LEO1: variants seen among roughly 807,000 people sequenced by gnomAD.
LEO1 encodes RNA polymerase-associated protein LEO1.
A neutral mutation model predicts 80.4 loss-of-function variants in LEO1; 34 were observed. That is an observed-to-expected ratio of 0.42 (90% CI 0.32 to 0.56). The LOEUF is 0.56. Among genes scored for constraint, LEO1 ranks in the 20% least tolerant of loss-of-function variants. The pLI is 0.10. For missense variants in LEO1, 631 were observed against 814.2 expected, an observed-to-expected ratio of 0.77 and a Z score of 2.74; for synonymous variants, 262 against 274.9, an observed-to-expected ratio of 0.95 and a Z score of 0.46.
Position 51,966,089 on chromosome 15 carries a change from C to A in LEO1, c.474G>T (p.Lys158Asn). 1 of 1,613,990 alleles carries A rather than the reference C, an allele frequency of 6.2e-7. No homozygotes were observed. Among genetic ancestry groups the A allele is most frequent in the Non-Finnish European group, 8.5e-7 (1 of 1,180,020 alleles). The change falls in exon 2 of 12, where the codon AAG becomes AAT. Residue 158 changes from lysine to asparagine, a missense_variant. Coordinates refer to ENST00000299601, the MANE Select transcript of LEO1 (RefSeq NM_138792.4). Reference sequence around the variant, plus strand: ...TCTCCTCATCATCAGAATTTTGTATCTTTTCATCATCTGACTGGTCACTTT... The same window carrying A: ...TCTCCTCATCATCAGAATTTTGTATATTTTCATCATCTGACTGGTCACTTT... ...EDKSDQSDDE[K>N]IQNSDDEERA...
intron 11 of LEO1, among the ~76,000 whole-genome samples, chr15:51,945,354 C>T (rs1440900131): frequency 6.6e-6 from 1 of 151,842 alleles, no homozygotes; most frequent in African/African-American, 2.4e-5. Flanking sequence ...ACTCACAAGG[C>T]TCCAGCTTCA....
rs2056911122 is a variant in LEO1, at chr15:51,947,380, G to C, written c.1808C>G (p.Ala603Gly). 1 of 1,609,328 alleles carries C rather than the reference G, an allele frequency of 6.2e-7. No homozygotes were observed. Among genetic ancestry groups the C allele is most frequent in the Non-Finnish European group, 8.5e-7 (1 of 1,177,512 alleles). ...ATCACTGTCTGATGAATAGATTCTG[G>C]CTCGTTCCTCTGAAAGCAAAAGTAC... Reference protein sequence around the residue: ...RYKGGIREERARIYSSDSDEG... With the variant: ...RYKGGIREERGRIYSSDSDEG... The change falls in exon 11 of 12, where the codon GCC (alanine) becomes GGC (glycine). Residue 603 changes from alanine to glycine, a missense_variant. Physicochemically the swap from Ala to Gly is moderately conservative, Grantham distance 60. Coordinates refer to ENST00000299601, the MANE Select transcript of LEO1 (RefSeq NM_138792.4).
chr15:51,955,695 C>G (rs934844017), intron 6 of LEO1, among the ~76,000 whole-genome samples: 20 of 152,186 alleles, frequency 1.3e-4, no homozygotes, highest in African/African-American at 4.6e-4. Context: ...TGCCTGTTCC[C>G]CCAGTGTCAA....
intron 11 of LEO1, 56 bp from the exon 12 acceptor site, chr15:51,938,316 G>A: frequency 9.3e-7 from 1 of 1,078,500 alleles, no homozygotes; most frequent in Non-Finnish European, 1.4e-6. Context: ...TTTTTAGGAT[G>A]GTTTATGAAA....
intron 1 of LEO1, among the ~76,000 whole-genome samples, chr15:51,968,595 C>A (rs1293172643): frequency 6.6e-6 from 1 of 151,912 alleles, no homozygotes; most frequent in African/African-American, 2.4e-5. Flanking sequence ...CTTTGGGAGG[C>A]TGAGGTGGGT....
Position 51,949,881 on chromosome 15 carries a change from G to A in LEO1, c.1725C>T (p.Tyr575=), listed in dbSNP as rs752117284. Residue 575 remains tyrosine (Y), a synonymous_variant, in exon 10 of 12, where the codon TAC becomes TAT. Transcript: ENST00000299601. ...ACTCCTCGCCTTCCTCCTCCTCATC[G>A]TATCGATCAGGTTCCAGGTAACTGG... ...LSASYLEPDR[Y]DEEEEGEESI... is the part of the protein sequence containing the mutation. 17 of 1,613,766 alleles carry A rather than the reference G, an allele frequency of 1.1e-5. No individual in the cohort carries two copies. The highest frequency in any genetic ancestry group is 2.7e-5 in the African/African-American group (2 of 74,862).
chr15:51,955,035 C>G (rs892528931), intron 6 of LEO1: 7 of 151,298 alleles, frequency 4.6e-5, no homozygotes, highest in African/African-American at 1.7e-4. Context: ...CTCCCGGGTT[C>G]ACGCCATTCT....
chr15:51,968,680 T>G (rs1403633350), intron 1 of LEO1, among the ~76,000 whole-genome samples: 1 of 151,888 alleles, frequency 6.6e-6, no homozygotes, highest in Non-Finnish European at 1.5e-5. Flanking sequence ...AATACAAAAA[T>G]TAGCCAGGCG....
intron 6 of LEO1, among the ~76,000 whole-genome samples, chr15:51,957,259 T>C (rs996208163): frequency 1.5e-4 from 23 of 151,928 alleles, no homozygotes; most frequent in African/African-American, 5.6e-4. Flanking sequence ...TGATAAAAAG[T>C]GAATAAGGAA....
chr15:51,957,307 T>A (rs2141765583), intron 6 of LEO1, among the ~76,000 whole-genome samples: 1 of 152,204 alleles, frequency 6.6e-6, no homozygotes, highest in Non-Finnish European at 1.5e-5. Flanking sequence ...CAGGAAACAA[T>A]GAAAAGTAGT....
At chr15:51,963,769 G>A (rs1207446307) in intron 2 of LEO1, among the ~76,000 whole-genome samples, 1 of 151,894 alleles carries the variant, frequency 6.6e-6, no homozygotes, top group East Asian at 1.9e-4. Flanking sequence ...GGGTTTGGTG[G>A]TGCACACCTT....
chr15:51,953,912 G>A (rs1460086915), intron 7 of LEO1, among the ~76,000 whole-genome samples: 1 of 151,272 alleles, frequency 6.6e-6, no homozygotes, highest in Non-Finnish European at 1.5e-5. Context: ...GCAACATATG[G>A]AGAACTGTGT....
intron 11 of LEO1, among the ~76,000 whole-genome samples, chr15:51,944,914 AG>A (rs2056886308): frequency 6.6e-6 from 1 of 152,170 alleles, no homozygotes; most frequent in South Asian, 2.1e-4. Context: ...ATTCCAACCT[AG>A]GTAGTCTTTT....
intron 11 of LEO1, 149 bp downstream of exon 11, chr15:51,947,141 ACT>A: frequency 1.5e-6 from 1 of 680,994 alleles, no homozygotes; most frequent in Non-Finnish European, 2.6e-6. Flanking sequence ...CCTCTGGATC[ACT>A]CTGTCTTGTT....
Position 51,962,504 on chromosome 15 carries a change from A to T in LEO1, c.815-11T>A, listed in dbSNP as rs1212437669. On this transcript the variant is annotated splice_polypyrimidine_tract_variant and intron_variant, in intron 2 of 11. Coordinates refer to ENST00000299601, the MANE Select transcript of LEO1 (RefSeq NM_138792.4). ...TGCCTCTTGCAGATTCTATAAGGGT[A>T]GAATTAGAAGTTCTGCATAATCAGT... The T allele has an allele frequency of 6.4e-7, 1 of 1,569,898 alleles. No homozygotes were observed. Among genetic ancestry groups the T allele is most frequent in the African/African-American group, 1.4e-5 (1 of 73,822 alleles).
chr15:51,953,014 G>A (rs920776923), intron 8 of LEO1, 115 bp downstream of exon 8: 1 of 823,080 alleles, frequency 1.2e-6, no homozygotes, highest in Non-Finnish European at 1.9e-6. Context: ...CAAGATCTTG[G>A]TTCTTGCTGA....
Position 51,966,460 on chromosome 15 carries a change from C to T in LEO1, c.103G>A (p.Ala35Thr). ...CTTCCAGAGGCATTACTGCCAGAGG[C>T]AGCATTCTCTTGATCAGAATCTGAG... ...SDSDSDQENAASGSNASGSES... is the reference protein window; with the variant it reads ...SDSDSDQENATSGSNASGSES... The change falls in exon 2 of 12, where the codon GCC becomes ACC. Residue 35 changes from alanine (A) to threonine (T), a missense_variant. Ala to Thr is a moderately conservative substitution (Grantham distance 58). Around this residue, in one of 4 missense-constraint regions of LEO1, gnomAD observed 394 missense variants for 395.6 expected, o/e 1.00. Coordinates refer to ENST00000299601, the MANE Select transcript of LEO1 (RefSeq NM_138792.4). 6.2e-7 allele frequency: 1 copy of T among 1,612,904 alleles called. No individual in the cohort carries two copies. Among genetic ancestry groups the T allele is most frequent in the Non-Finnish European group, 8.5e-7 (1 of 1,179,176 alleles).
chr15:51,962,647 T>C (rs1378610421), intron 2 of LEO1, among the ~76,000 whole-genome samples, 154 bp from the exon 3 acceptor site: 2 of 152,300 alleles, frequency 1.3e-5, no homozygotes, highest in Non-Finnish European at 2.9e-5. Flanking sequence ...ACCAATTGGA[T>C]GAATCAAAAA....
At chr15:51,962,920 AAC>A (rs2057042775) in intron 2 of LEO1, among the ~76,000 whole-genome samples, 2 of 127,038 alleles carry the variant, frequency 1.6e-5, no homozygotes, top group East Asian at 2.3e-4. Context: ...GTACATGCAG[AAC>A]ATGCCCCCCC....
Sources: allele counts gnomAD v4.1 joint callset (sites outside exome capture counted in the v4.1 genomes callset), GRCh38; gene constraint gnomAD v4.1.1; regional missense constraint gnomAD v4.1.1; transcripts MANE v1.5; gene names NCBI Gene and HGNC (gene_info 2026-07-23, HGNC 2026-07-21).